Variants in TMEM132B observed in about 807,000 individuals in gnomAD.
TMEM132B encodes the protein transmembrane protein 132B.
A neutral mutation model predicts 90.8 loss-of-function variants in TMEM132B; 18 were observed. The observed-to-expected ratio is 0.20, with a 90% confidence interval of 0.14 to 0.29. TMEM132B has a LOEUF of 0.29. Among genes scored for constraint, TMEM132B ranks in the 10% least tolerant of loss-of-function variants. TMEM132B has a pLI of 1.00. For missense variants in TMEM132B, 1,096 were observed against 1,326.8 expected, an observed-to-expected ratio of 0.83 and a Z score of 2.70; for synonymous variants, 504 against 523.3, an observed-to-expected ratio of 0.96 and a Z score of 0.50.
chr12:125,570,725 A>G (rs1332198058), intron 4 of TMEM132B, among the ~76,000 whole-genome samples: 1 of 152,196 alleles, frequency 6.6e-6, no homozygotes, highest in Non-Finnish European at 1.5e-5. Flanking sequence ...CAGTATTTAA[A>G]TTGGAGCCAA....
At chr12:125,414,608 G>T (rs544010550) in intron 2 of TMEM132B, among the ~76,000 whole-genome samples, 1 of 152,272 alleles carries the variant, frequency 6.6e-6, no homozygotes, top group East Asian at 1.9e-4. Context: ...ACTGACCTCT[G>T]CAGCATTAGT....
chr12:125,485,922 G>T (rs1918247), intron 3 of TMEM132B, among the ~76,000 whole-genome samples: 84,674 of 152,022 alleles, frequency 0.56, 24,846 homozygotes, highest in African/African-American at 0.76. Context: ...CCTATTAGCT[G>T]TCAACTACAG....
Position 125,661,314 on chromosome 12 carries a change from C to T in TMEM132B, c.*6604C>T, listed in dbSNP as rs1887201115. On this transcript the variant is annotated 3_prime_UTR_variant, in exon 9 of 9. Transcript: ENST00000682704. ...ATTTCCCACATAGTAGAAGCATTTT[C>T]CATTTCCATGAATATTACAGGCTGA... 1 of 152,222 alleles carries T rather than the reference C, an allele frequency of 6.6e-6. No individual in the cohort carries two copies. Among genetic ancestry groups the T allele is most frequent in the Non-Finnish European group, 1.5e-5 (1 of 68,056 alleles). The allele number at this position is 152,222 out of a possible 1,614,324, so 9.4% of individuals were successfully genotyped here.
chr12:125,347,185 A>G (rs1244621158), intron 1 of TMEM132B, among the ~76,000 whole-genome samples: 1 of 152,220 alleles, frequency 6.6e-6, no homozygotes, highest in Non-Finnish European at 1.5e-5. Flanking sequence ...TTGGCTGAAC[A>G]TAGTCTCTAG....
chr12:125,484,328 T>G (rs1882143918), intron 3 of TMEM132B, among the ~76,000 whole-genome samples: 1 of 152,190 alleles, frequency 6.6e-6, no homozygotes, highest in South Asian at 2.1e-4. Context: ...GGCAACCATA[T>G]CTGCTTCCTT....
At chr12:125,333,838 A>AT (rs1876870443) in intron 1 of TMEM132B, among the ~76,000 whole-genome samples, 1 of 152,216 alleles carries the variant, frequency 6.6e-6, no homozygotes, top group African/African-American at 2.4e-5. Flanking sequence ...TGTGACCCAG[A>AT]TACTGTCCCT....
chr12:125,630,427 A>C (rs575276433), intron 5 of TMEM132B, among the ~76,000 whole-genome samples: 5 of 152,042 alleles, frequency 3.3e-5, no homozygotes, highest in Non-Finnish European at 7.4e-5. Context: ...ATTTATGTAT[A>C]GTTGCTTATG....
intron 3 of TMEM132B, among the ~76,000 whole-genome samples, chr12:125,454,615 A>G (rs140914268): frequency 0.013 from 1,978 of 152,378 alleles, 42 homozygotes; most frequent in Non-Finnish European, 0.015. Context: ...CATTTCTGTC[A>G]TCCAGAAATC....
At chr12:125,583,816 G>A (rs532214496) in intron 4 of TMEM132B, 35 bp from the exon 5 acceptor site, 94 of 1,611,612 alleles carry the variant, frequency 5.8e-5, no homozygotes, top group South Asian at 1.8e-4. Flanking sequence ...TGGTATGCAC[G>A]TTTGCTGATC....
intron 7 of TMEM132B, 68 bp from the exon 8 acceptor site, chr12:125,652,373 C>G (rs1886945610): frequency 7.0e-7 from 1 of 1,436,332 alleles, no homozygotes; most frequent in Non-Finnish European, 9.3e-7. Context: ...TTGTTGGGAG[C>G]CCCAGTTAAG....
chr12:125,387,802 T>C (rs137966552), intron 2 of TMEM132B, among the ~76,000 whole-genome samples: 3 of 152,306 alleles, frequency 2.0e-5, no homozygotes, highest in African/African-American at 7.2e-5. Context: ...CCGTTATCCA[T>C]CCATCCATCC....
In TMEM132B at chr12:125,498,140, T is replaced by A. The variant is rs1029146825; in HGVS notation, c.1107-21299T>A. Among the ~76,000 whole-genome samples, 3 of 152,210 alleles carry A rather than the reference T, an allele frequency of 2.0e-5. No individual in the cohort carries two copies. The highest frequency in any genetic ancestry group is 4.8e-5 in the African/African-American group (2 of 41,464). On this transcript the variant is annotated intron_variant, in intron 3 of 8. Transcript: ENST00000682704. This position sits in a 1 kb window ranked among gnomAD's most constrained non-coding sequence, Gnocchi z 4.5. ...TGGCCAAAATTGATCCACATGACCC[T>A]ACAAGCCAGTGTGTTTTAAACTAGA...
At chr12:125,467,717 C>T (rs964258093) in intron 3 of TMEM132B, among the ~76,000 whole-genome samples, 6 of 152,180 alleles carry the variant, frequency 3.9e-5, no homozygotes, top group South Asian at 2.1e-4. Flanking sequence ...AAAACTATTT[C>T]GTCACCCTGT....
Position 125,349,791 on chromosome 12 carries a change from C to T in TMEM132B, c.407C>T (p.Ser136Phe). 3 of 1,614,252 alleles carry T rather than the reference C, an allele frequency of 1.9e-6. No homozygotes were observed. In the South Asian group the frequency reaches 3.3e-5, roughly 18 times the overall value. The change falls in exon 2 of 9, where the codon TCC becomes TTC. Residue 136 changes from serine to phenylalanine, a missense_variant. Physicochemically the swap from Ser to Phe is radical, Grantham distance 155. Coordinates refer to ENST00000682704, the MANE Select transcript of TMEM132B (RefSeq NM_001366854.1). This position sits in a 1 kb window ranked among gnomAD's most constrained non-coding sequence, Gnocchi z 4.1. Reference protein sequence around the residue: ...KSHILDSSIYSNRPKVQTLFY... With the variant: ...KSHILDSSIYFNRPKVQTLFY... ...CACATCCTTGACAGCTCCATCTACTCCAACAGACCCAAAGTGCAGACCTTG... is the reference window on the plus strand; with the variant it reads ...CACATCCTTGACAGCTCCATCTACTTCAACAGACCCAAAGTGCAGACCTTG...
In TMEM132B at chr12:125,490,338, C is replaced by G. The variant is rs1003099680; in HGVS notation, c.1107-29101C>G. Among the ~76,000 whole-genome samples the G allele has an allele frequency of 9.2e-5, 14 of 152,262 alleles. No homozygotes were observed. Among genetic ancestry groups the G allele is most frequent in the African/African-American group, 3.4e-4 (14 of 41,528 alleles). On this transcript the variant is annotated intron_variant, in intron 3 of 8. Coordinates refer to ENST00000682704, the MANE Select transcript of TMEM132B (RefSeq NM_001366854.1). The surrounding 1 kb of genome is among the most constrained non-coding windows in gnomAD (Gnocchi z 4.2). ...ACAGAAGGGGAATTCATACCCGTAT[C>G]TGCCCAGCCTCAAAGTTCAACTCTT...
chr12:125,356,357 G>A (rs1175300283), intron 2 of TMEM132B, among the ~76,000 whole-genome samples: 2 of 152,140 alleles, frequency 1.3e-5, no homozygotes, highest in Admixed American at 1.3e-4. Flanking sequence ...TCTGTACGTG[G>A]GGACAGTTTA....
At chr12:125,207,288 C>A (rs1394548430) in intron 1 of TMEM132B, among the ~76,000 whole-genome samples, 1 of 152,182 alleles carries the variant, frequency 6.6e-6, no homozygotes, top group East Asian at 1.9e-4. Context: ...TAGACACAGC[C>A]CCAGTTCACT....
chr12:125,559,386 C>T (rs1250759137), intron 4 of TMEM132B, among the ~76,000 whole-genome samples: 1 of 152,148 alleles, frequency 6.6e-6, no homozygotes, highest in Non-Finnish European at 1.5e-5. Flanking sequence ...CAGAAAAAGA[C>T]CCAAGTTCTT....
At chr12:125,306,484 T>C (rs1875972800) in intron 1 of TMEM132B, among the ~76,000 whole-genome samples, 2 of 152,190 alleles carry the variant, frequency 1.3e-5, no homozygotes, top group Non-Finnish European at 2.9e-5. Context: ...CCTGAATCTG[T>C]TCCTCCCACA....
Sources: gnomAD v4.1 joint callset for allele counts (sites outside exome capture counted in the v4.1 genomes callset) on GRCh38, gnomAD v4.1.1 for gene constraint, Gnocchi (gnomAD v3.1) non-coding constraint, MANE v1.5 for transcripts, NCBI Gene and HGNC (gene_info 2026-07-23, HGNC 2026-07-21) for gene names.